Variants in ATP13A4 observed in about 807,000 individuals in gnomAD.
The protein encoded by ATP13A4 is probable cation-transporting ATPase 13A4.
In ATP13A4, 114 loss-of-function variants were observed where a neutral mutation model predicts 142.5. The observed-to-expected ratio is 0.80, with a 90% CI of 0.69 to 0.93. The LOEUF is 0.93. Among genes scored for constraint, ATP13A4 ranks in the 40% least tolerant of loss-of-function variants. ATP13A4 has a pLI of 0.00. For missense variants in ATP13A4, 1,392 were observed against 1,454.0 expected, an observed-to-expected ratio of 0.96 and a Z score of 0.69; for synonymous variants, 488 against 514.8, an observed-to-expected ratio of 0.95 and a Z score of 0.70.
intron 1 of ATP13A4, among the ~76,000 whole-genome samples, chr3:193,583,325 C>T (rs1377940451): frequency 1.3e-5 from 2 of 151,988 alleles, no homozygotes; most frequent in African/African-American, 2.4e-5. Context: ...CCCAGGTACT[C>T]AGCAGGCTGA....
chr3:193,478,716 TG>T (rs1237337153), intron 8 of ATP13A4, among the ~76,000 whole-genome samples: 1 of 152,134 alleles, frequency 6.6e-6, no homozygotes, highest in African/African-American at 2.4e-5. Context: ...TCAATTCTAT[TG>T]ACACTATTCC....
intron 2 of ATP13A4, among the ~76,000 whole-genome samples, chr3:193,503,339 T>C (rs1324152423): frequency 6.6e-6 from 1 of 152,312 alleles, no homozygotes; most frequent in East Asian, 1.9e-4. Context: ...CCATTTGCAG[T>C]TCACTGATTA....
intron 13 of ATP13A4, among the ~76,000 whole-genome samples, chr3:193,460,066 A>T (rs1351945807): frequency 1.3e-5 from 2 of 152,082 alleles, no homozygotes; most frequent in Non-Finnish European, 2.9e-5. Flanking sequence ...TTCATCCTAC[A>T]TTGGGGCAGA....
At chr3:193,524,527 C>G (rs1721894796) in intron 1 of ATP13A4, among the ~76,000 whole-genome samples, 1 of 152,164 alleles carries the variant, frequency 6.6e-6, no homozygotes, top group African/African-American at 2.4e-5. Context: ...TAAGAGCATA[C>G]AGAGGTCAGT....
intron 2 of ATP13A4, among the ~76,000 whole-genome samples, chr3:193,573,180 C>T (rs56205307): frequency 0.52 from 75,864 of 146,392 alleles, 20,301 homozygotes; most frequent in African/African-American, 0.65. Flanking sequence ...AACAGTGTGA[C>T]CAAAACTTTA....
intron 1 of ATP13A4, among the ~76,000 whole-genome samples, chr3:193,533,637 C>T (rs1362381231): frequency 1.3e-5 from 2 of 152,022 alleles, no homozygotes; most frequent in Non-Finnish European, 2.9e-5. Context: ...AAGGGGCGGC[C>T]GAGTAAGACA....
chr3:193,492,079 C>T (rs1377633434), intron 5 of ATP13A4, among the ~76,000 whole-genome samples: 1 of 152,148 alleles, frequency 6.6e-6, no homozygotes, highest in Non-Finnish European at 1.5e-5. Context: ...GAGAGCAGTG[C>T]TTCTCAAACT....
intron 18 of ATP13A4, among the ~76,000 whole-genome samples, chr3:193,446,590 C>CT (rs1211778026): frequency 6.6e-6 from 1 of 152,138 alleles, no homozygotes; most frequent in Non-Finnish European, 1.5e-5. Flanking sequence ...AACCAATGTT[C>CT]TTGCTATAAA....
chr3:193,400,129 AC>A lies in ATP13A4; in HGVS notation c.*2522del, dbSNP rs1714217967. Among the ~76,000 whole-genome samples, 3 of 152,216 alleles carry A rather than the reference AC, an allele frequency of 2.0e-5. No homozygotes were observed. The highest frequency in any genetic ancestry group is 2.9e-5 in the Non-Finnish European group (2 of 68,038). On this transcript the variant is annotated 3_prime_UTR_variant, in exon 30 of 30. Transcript: ENST00000342695. Reference sequence around the variant, plus strand: ...ATTTTGCCTTCTCATGCCACCTGGCACAAGTAGGATCCTTCTTTCTCAGGAA... The same window carrying A: ...ATTTTGCCTTCTCATGCCACCTGGCAAAGTAGGATCCTTCTTTCTCAGGAA...
At chr3:193,526,274 A>G (rs1216816202) in intron 1 of ATP13A4, among the ~76,000 whole-genome samples, 1 of 152,202 alleles carries the variant, frequency 6.6e-6, no homozygotes, top group Non-Finnish European at 1.5e-5. Flanking sequence ...AGCCATAAAA[A>G]AGAATAAGAC....
At position 193,514,871 on chromosome 3, in the gene ATP13A4, C is replaced by A; in HGVS notation, c.61G>T (p.Glu21Ter). ...LLNEGEENEMEIFGYRTQGCR... is the reference protein window; with the variant it reads ...LLNEGEENEM ...CCTTGAGTCCGATAGCCAAATATCT[C>A]CTGGGACAGAATCAAAATGATACCA... The change falls in exon 2 of 30, where the codon GAG becomes TAG. Residue 21 changes from glutamate to a stop codon, truncating the protein, a stop_gained and splice_region_variant. Coordinates refer to ENST00000342695, the MANE Select transcript of ATP13A4 (RefSeq NM_032279.4). LOFTEE classifies it high-confidence loss of function. 1 of 1,613,868 alleles carries A rather than the reference C, an allele frequency of 6.2e-7. No homozygotes were observed.
chr3:193,410,473 G>C (rs1714712155), intron 28 of ATP13A4, among the ~76,000 whole-genome samples: 1 of 152,218 alleles, frequency 6.6e-6, no homozygotes, highest in Non-Finnish European at 1.5e-5. Context: ...AGCGCGTTGG[G>C]AGGCCAAGGC....
At chr3:193,534,355 G>A (rs1431559032) in intron 1 of ATP13A4, among the ~76,000 whole-genome samples, 1 of 152,052 alleles carries the variant, frequency 6.6e-6, no homozygotes, top group Non-Finnish European at 1.5e-5. Context: ...TAAATAACCA[G>A]GAAGATCTCA....
intron 17 of ATP13A4, among the ~76,000 whole-genome samples, chr3:193,449,988 AG>A (rs1717180869): frequency 6.6e-6 from 1 of 151,956 alleles, no homozygotes; most frequent in South Asian, 2.1e-4. Context: ...GCATGGTGCC[AG>A]GCGCCTGTAA....
intron 3 of ATP13A4, among the ~76,000 whole-genome samples, chr3:193,495,878 A>T (rs1040554439): frequency 2.0e-5 from 3 of 152,310 alleles, no homozygotes; most frequent in African/African-American, 7.2e-5. Flanking sequence ...AGAGTTACAG[A>T]ATACAAAATC....
intron 25 of ATP13A4, among the ~76,000 whole-genome samples, chr3:193,428,677 A>G (rs1257835610): frequency 6.6e-6 from 1 of 151,690 alleles, no homozygotes; most frequent in Admixed American, 6.6e-5. Flanking sequence ...CATTCTCAGC[A>G]AACTATTGCA....
intron 25 of ATP13A4, among the ~76,000 whole-genome samples, chr3:193,415,605 A>G (rs1332732565): frequency 6.6e-6 from 1 of 152,218 alleles, no homozygotes; most frequent in Non-Finnish European, 1.5e-5. Flanking sequence ...ATTGTTACAT[A>G]TGTCTGTCCC....
chr3:193,479,606 A>T lies in ATP13A4; in HGVS notation c.808+4330T>A, dbSNP rs373942577. Among the ~76,000 whole-genome samples the T allele has an allele frequency of 3.3e-5, 5 of 152,292 alleles. No homozygotes were observed. In the South Asian group the frequency reaches 8.3e-4, roughly 25 times the overall value. On this transcript the variant is annotated intron_variant, in intron 8 of 29. Coordinates refer to ENST00000342695, the MANE Select transcript of ATP13A4 (RefSeq NM_032279.4). Reference sequence around the variant, plus strand: ...TAAGGAAAACTACAAAACACTGCTGAAAAATTATAAACGATACAAACAAAT... The same window carrying T: ...TAAGGAAAACTACAAAACACTGCTGTAAAATTATAAACGATACAAACAAAT...
chr3:193,481,332 A>C (rs2108656563), intron 8 of ATP13A4, among the ~76,000 whole-genome samples: 1 of 152,338 alleles, frequency 6.6e-6, no homozygotes, highest in African/African-American at 2.4e-5. Context: ...ACATCACTAG[A>C]GCATGTTTTG....
Sources: allele counts gnomAD v4.1 joint callset (sites outside exome capture counted in the v4.1 genomes callset), GRCh38; gene constraint gnomAD v4.1.1; transcripts MANE v1.5; gene names NCBI Gene and HGNC (gene_info 2026-07-23, HGNC 2026-07-21).